The following GPER1 variants were observed in gnomAD, a reference collection of about 807,000 sequenced individuals.
GPER1 encodes G protein-coupled estrogen receptor 1.
A neutral mutation model predicts 0.6 loss-of-function variants in GPER1; 2 were observed. The observed-to-expected ratio is 3.41, with a 90% CI of 1.39 to 10.72. The LOEUF (loss-of-function observed/expected upper bound fraction) is 10.72, where lower values mean the gene tolerates loss of function less well. Among genes scored for constraint, GPER1 ranks in the 30% most tolerant of loss-of-function variants. GPER1 has a pLI of 0.04. For missense variants in GPER1, 441 were observed against 535.2 expected (o/e 0.82, Z 1.74); for synonymous variants, 263 against 247.6 (o/e 1.06, Z -0.58).
chr7:1,088,757 CTA>C lies in GPER1; in HGVS notation c.-323+438_-323+439del, dbSNP rs772514173. Among the ~76,000 whole-genome samples the C allele has an allele frequency of 1.6e-4, 25 of 152,260 alleles. No homozygotes were observed. Among genetic ancestry groups the C allele is most frequent in the Non-Finnish European group, 2.8e-4 (19 of 68,014 alleles). ...CTGACTAAAGTGTGGCTTTATTTCT[CTA>C]TGACAAGCAGAGGAAATCTGAAATG... On this transcript the variant is annotated intron_variant, in intron 1 of 1. Transcript: ENST00000397088. This position sits in a 1 kb window ranked among gnomAD's most constrained non-coding sequence, Gnocchi z 4.5.
intron 1 of GPER1, among the ~76,000 whole-genome samples, chr7:1,090,475 G>T (rs975056203): frequency 6.6e-6 from 1 of 152,028 alleles, no homozygotes; most frequent in Admixed American, 6.5e-5. Context: ...GGTGACACGG[G>T]GTGGGTGATG....
Position 1,091,418 on chromosome 7 carries a change from G to C in GPER1, c.-311G>C. ...TGTTGCTTCTCCAGGTACCCAGAGA[G>C]TGAGCAGCTCCACGCGGGACTGTGC... On this transcript the variant is annotated 5_prime_UTR_variant, in exon 2 of 2. Coordinates refer to ENST00000397088, the MANE Select transcript of GPER1 (RefSeq NM_001098201.3). The C allele has an allele frequency of 3.2e-6, 1 of 311,862 alleles. No individual in the cohort carries two copies. 19.3% of individuals were successfully genotyped at this position (311,862 alleles called of 1,614,324 possible).
At chr7:1,090,109 A>C (rs1787808048) in intron 1 of GPER1, among the ~76,000 whole-genome samples, 1 of 152,184 alleles carries the variant, frequency 6.6e-6, no homozygotes, top group Non-Finnish European at 1.5e-5. Context: ...AATGATTTCA[A>C]AAGGTAAAAT....
rs1788127858 is a variant in GPER1, at chr7:1,092,637, C to T, written c.909C>T (p.Pro303=). The change falls in exon 2 of 2, where the codon CCC becomes CCT. Residue 303 remains proline, a synonymous_variant. Coordinates refer to ENST00000397088, the MANE Select transcript of GPER1 (RefSeq NM_001098201.3). ...AGCAGTCTTTCCGCCATGCCCACCC[C>T]CTCACGGGCCACATTGTCAACCTCG... The part of the protein sequence containing the change: ...PCKQSFRHAH[P]LTGHIVNLAA... The T allele has an allele frequency of 8.1e-6, 13 of 1,612,742 alleles. No individual in the cohort carries two copies. Among genetic ancestry groups the T allele is most frequent in the Non-Finnish European group, 1.1e-5 (13 of 1,179,966 alleles).
chr7:1,089,226 A>T (rs1787689363), intron 1 of GPER1, among the ~76,000 whole-genome samples: 1 of 152,228 alleles, frequency 6.6e-6, no homozygotes, highest in Non-Finnish European at 1.5e-5. Context: ...ATGCTGTTCA[A>T]TGGTATTATC....
In GPER1 at chr7:1,092,461, C is replaced by A; in HGVS notation, c.733C>A (p.His245Asn). The change falls in exon 2 of 2, where the codon CAC becomes AAC. Residue 245 changes from histidine (H) to asparagine (N), a missense_variant. Transcript: ENST00000397088. ...CATTGTCCGGGTGCTGGTCAGGGCGCACCGGCACCGTGGGCTGCGGCCCCG... is the reference window on the plus strand; with the variant it reads ...CATTGTCCGGGTGCTGGTCAGGGCGAACCGGCACCGTGGGCTGCGGCCCCG... Reference protein sequence around the residue: ...SLIVRVLVRAHRHRGLRPRRQ... With the variant: ...SLIVRVLVRANRHRGLRPRRQ... The A allele has an allele frequency of 6.2e-7, 1 of 1,608,190 alleles. No homozygotes were observed. The highest frequency in any genetic ancestry group is 8.5e-7 in the Non-Finnish European group (1 of 1,179,478).
At chr7:1,090,414 CG>C (rs1563099583) in intron 1 of GPER1, among the ~76,000 whole-genome samples, 2 of 152,296 alleles carry the variant, frequency 1.3e-5, no homozygotes, top group African/African-American at 4.8e-5. Flanking sequence ...GCGGCAGAGC[CG>C]GGGTGACACG....
chr7:1,091,764 G>A lies in GPER1; in HGVS notation c.36G>A (p.Leu12=), dbSNP rs541413145. The A allele has an allele frequency of 6.4e-6, 10 of 1,556,852 alleles. No homozygotes were observed. The African/African-American group carries it at 6.8e-5, about 11-fold the overall frequency. The change falls in exon 2 of 2, where the codon CTG becomes CTA. Residue 12 remains leucine, a synonymous_variant. Transcript: ENST00000397088. ...CTTCCCAAGCCCGGGGCGTGGGCCT[G>A]GAGATGTACCCAGGCACCGCGCAGC... ...DVTSQARGVG[L]EMYPGTAQPA...
Position 1,091,518 on chromosome 7 carries a change from C to A in GPER1, c.-211C>A. 1 of 549,408 alleles carries A rather than the reference C, an allele frequency of 1.8e-6. No homozygotes were observed. The allele number at this position is 549,408 out of a possible 1,614,324, so 34.0% of individuals were successfully genotyped here. On this transcript the variant is annotated 5_prime_UTR_variant, in exon 2 of 2. Transcript: ENST00000397088. ...CCCTCGCCTCCACGGATGCACCATG[C>A]CGGTGTGAGGAGCATCTGTTCTTCC... is the stretch of plus-strand genomic sequence containing the variant.
At chr7:1,087,759 G>A (rs1787528425), upstream of GPER1, among the ~76,000 whole-genome samples, 1 of 152,242 alleles carries the variant, frequency 6.6e-6, no homozygotes, top group Non-Finnish European at 1.5e-5. Context: ...ATGCTACTAA[G>A]TTAATTATGA....
chr7:1,092,610 C>A lies in GPER1; in HGVS notation c.882C>A (p.Cys294Ter), dbSNP rs1386627272. The A allele has an allele frequency of 2.5e-6, 4 of 1,611,954 alleles. No individual in the cohort carries two copies. In the African/African-American group the frequency reaches 5.3e-5, roughly 22 times the overall value. The change falls in exon 2 of 2, where the codon TGC becomes TGA. Residue 294 changes from cysteine (C) to a stop codon, truncating the protein, a stop_gained. Coordinates refer to ENST00000397088, the MANE Select transcript of GPER1 (RefSeq NM_001098201.3). LOFTEE classifies it high-confidence loss of function. Reference protein sequence around the residue: ...LQRTQPGAAPCKQSFRHAHPL... With the variant: ...LQRTQPGAAP Reference sequence around the variant, plus strand: ...GGACGCAGCCTGGGGCCGCTCCCTGCAAGCAGTCTTTCCGCCATGCCCACC... The same window carrying A: ...GGACGCAGCCTGGGGCCGCTCCCTGAAAGCAGTCTTTCCGCCATGCCCACC...
intron 1 of GPER1, among the ~76,000 whole-genome samples, chr7:1,089,978 G>A (rs1787789739): frequency 6.6e-6 from 1 of 151,810 alleles, no homozygotes; most frequent in Admixed American, 6.6e-5. Flanking sequence ...CAGATACTCA[G>A]GAGGCTGAGG....
upstream of GPER1, chr7:1,088,038 G>A (rs913811080): frequency 6.6e-6 from 1 of 152,408 alleles, no homozygotes; most frequent in Non-Finnish European, 1.5e-5. The surrounding 1 kb of genome is among the most constrained non-coding windows in gnomAD (Gnocchi z 4.5). Context: ...AGGCCGCCCA[G>A]AGCCTGGCCA....
chr7:1,090,276 C>G (rs1022224658), intron 1 of GPER1, among the ~76,000 whole-genome samples: 1 of 152,230 alleles, frequency 6.6e-6, no homozygotes, highest in African/African-American at 2.4e-5. Context: ...CCACCAGCAC[C>G]CCCCTGTGAC....
In GPER1 at chr7:1,092,241, G is replaced by C; in HGVS notation, c.513G>C (p.Lys171Asn). The C allele has an allele frequency of 6.2e-7, 1 of 1,612,556 alleles. No homozygotes were observed. The highest frequency in any genetic ancestry group is 1.3e-5 in the African/African-American group (1 of 75,064). The stretch of plus-strand genomic sequence containing the variant: ...TGCGCTGCAGCCTGTTCCGCACCAA[G>C]CACCACGCCCGGCTGAGCTGTGGCC... ...RAMRCSLFRT[K>N]HHARLSCGLI... The change falls in exon 2 of 2, where the codon AAG (lysine) becomes AAC (asparagine). Residue 171 changes from lysine (K) to asparagine (N), a missense_variant. By Grantham distance (94) the Lys-to-Asn change is moderately conservative. Coordinates refer to ENST00000397088, the MANE Select transcript of GPER1 (RefSeq NM_001098201.3).
At chr7:1,090,585 G>A (rs549418632) in intron 1 of GPER1, among the ~76,000 whole-genome samples, 1 of 149,046 alleles carries the variant, frequency 6.7e-6, no homozygotes, top group South Asian at 2.1e-4. Context: ...CGGGTGACGG[G>A]ACCTCTCCAC....
At chr7:1,087,784 C>T (rs1297097515), upstream of GPER1, among the ~76,000 whole-genome samples, 3 of 152,206 alleles carry the variant, frequency 2.0e-5, no homozygotes, top group South Asian at 2.1e-4. Flanking sequence ...TAGTGTTTAA[C>T]GCAGGTCAGT....
At position 1,091,884 on chromosome 7, in the gene GPER1, C is replaced by G; in HGVS notation, c.156C>G (p.His52Gln). 6.2e-7 allele frequency: 1 copy of G among 1,613,958 alleles called. No homozygotes were observed. The highest frequency in any genetic ancestry group is 1.3e-5 in the African/African-American group (1 of 75,080). ...LANGTGELSE[H>Q]QQYVIGLFLS... ...ATGGGACAGGTGAGCTCTCGGAGCA[C>G]CAGCAGTACGTGATCGGCCTGTTCC... is the stretch of plus-strand genomic sequence containing the variant. Residue 52 changes from histidine (H) to glutamine (Q), a missense_variant, in exon 2 of 2, where the codon CAC becomes CAG. Coordinates refer to ENST00000397088, the MANE Select transcript of GPER1 (RefSeq NM_001098201.3).
chr7:1,090,727 C>T (rs71538136), intron 1 of GPER1, among the ~76,000 whole-genome samples: 1 of 152,378 alleles, frequency 6.6e-6, no homozygotes, highest in Non-Finnish European at 1.5e-5. Flanking sequence ...GGGACTCTCT[C>T]CCTGGAGTTT....
Sources: gnomAD v4.1 joint callset for allele counts (sites outside exome capture counted in the v4.1 genomes callset) on GRCh38, gnomAD v4.1.1 for gene constraint, Gnocchi (gnomAD v3.1) non-coding constraint, MANE v1.5 for transcripts, NCBI Gene and HGNC (gene_info 2026-07-23, HGNC 2026-07-21) for gene names.